Variants in DOCK4 observed in about 807,000 individuals in gnomAD.
DOCK4 encodes the protein dedicator of cytokinesis protein 4.
In DOCK4, 97 loss-of-function variants were observed where a neutral mutation model predicts 268.1. The observed-to-expected ratio is 0.36, with a 90% CI of 0.31 to 0.43. The LOEUF (loss-of-function observed/expected upper bound fraction) is 0.43. Among genes scored for constraint, DOCK4 ranks in the 20% least tolerant of loss-of-function variants. The probability of loss-of-function intolerance (pLI) is 1.00; values close to 1 mark genes in which losing one functional copy is unlikely to be tolerated. For synonymous variants in DOCK4, 954 were observed against 887.2 expected (o/e 1.08, Z -1.34); for missense variants, 2,145 against 2,455.7 (o/e 0.87, Z 2.67).
At chr7:112,187,933 C>T (rs1347782259) in intron 1 of DOCK4, among the ~76,000 whole-genome samples, 1 of 152,084 alleles carries the variant, frequency 6.6e-6, no homozygotes, top group Non-Finnish European at 1.5e-5. Context: ...ACCCCTTTAA[C>T]CAATGTTTTC....
intron 15 of DOCK4, among the ~76,000 whole-genome samples, chr7:111,896,199 C>T (rs905136335): frequency 6.6e-6 from 1 of 152,162 alleles, no homozygotes; most frequent in East Asian, 1.9e-4. Flanking sequence ...ACTTCTTTCC[C>T]TATATCCACA....
chr7:111,840,920 T>C (rs752739098), intron 25 of DOCK4: 4 of 1,127,064 alleles, frequency 3.5e-6, no homozygotes, highest in Non-Finnish European at 3.6e-6. Context: ...CTCCAGAGAA[T>C]GGATTTTGTG....
intron 1 of DOCK4, among the ~76,000 whole-genome samples, chr7:112,153,504 AATT>A (rs1816299299): frequency 6.6e-6 from 1 of 152,156 alleles, no homozygotes; most frequent in South Asian, 2.1e-4. Flanking sequence ...CAAATATAAT[AATT>A]ATCTGAAATT....
At chr7:112,080,597 T>C (rs1808492780) in intron 1 of DOCK4, among the ~76,000 whole-genome samples, 1 of 152,214 alleles carries the variant, frequency 6.6e-6, no homozygotes, top group Non-Finnish European at 1.5e-5. Context: ...GAGGTTATGG[T>C]TGGCTACGCA....
intron 47 of DOCK4, chr7:111,740,249 G>A (rs1035165454): frequency 1.7e-4 from 48 of 285,910 alleles, no homozygotes; most frequent in Non-Finnish European, 2.3e-4. Flanking sequence ...ACAGGCATGC[G>A]CCACCATGCC....
At chr7:112,110,636 C>G (rs184899875) in intron 1 of DOCK4, among the ~76,000 whole-genome samples, 1 of 152,296 alleles carries the variant, frequency 6.6e-6, no homozygotes, top group Non-Finnish European at 1.5e-5. Flanking sequence ...ATCTCTGAGC[C>G]AAAGAGGTGG....
At chr7:112,107,879 T>G (rs1418946379) in intron 1 of DOCK4, among the ~76,000 whole-genome samples, 1 of 152,186 alleles carries the variant, frequency 6.6e-6, no homozygotes, top group African/African-American at 2.4e-5. Flanking sequence ...AGACAGGGCC[T>G]AGTAAAGCCA....
In DOCK4 at chr7:112,077,672, T is replaced by C. The variant is rs1310683363; in HGVS notation, c.38-73541A>G. ...CACCTATGATTTATTAATATGTGCGTGTGTGTGTTTTTTAACATGCCAGTT... is the reference window on the plus strand; with the variant it reads ...CACCTATGATTTATTAATATGTGCGCGTGTGTGTTTTTTAACATGCCAGTT... On this transcript the variant is annotated intron_variant, in intron 1 of 52. Transcript: ENST00000428084. Among the ~76,000 whole-genome samples the C allele has an allele frequency of 2.6e-5, 4 of 152,212 alleles. No individual in the cohort carries two copies. The East Asian group carries it at 7.7e-4, about 29-fold the overall frequency.
intron 8 of DOCK4, among the ~76,000 whole-genome samples, chr7:111,950,513 T>C (rs541187309): frequency 2.0e-5 from 3 of 152,240 alleles, no homozygotes; most frequent in Admixed American, 2.0e-4. Context: ...TACAGGCCCA[T>C]GAGTATTAAC....
intron 44 of DOCK4, among the ~76,000 whole-genome samples, chr7:111,744,264 G>A (rs1796119537): frequency 6.6e-6 from 1 of 152,186 alleles, no homozygotes; most frequent in African/African-American, 2.4e-5. Context: ...CACATTTCCT[G>A]CAGCTGAGGC....
At chr7:111,735,199 G>T (rs759412878) in intron 50 of DOCK4, 32 bp from the exon 51 acceptor site, 26 of 1,432,024 alleles carry the variant, frequency 1.8e-5, no homozygotes, top group Non-Finnish European at 2.2e-5. Flanking sequence ...AAAAACACAC[G>T]GTCCAGCTTT....
At chr7:112,195,677 G>A (rs574714156) in intron 1 of DOCK4, among the ~76,000 whole-genome samples, 23 of 151,252 alleles carry the variant, frequency 1.5e-4, no homozygotes, top group South Asian at 6.3e-4. Context: ...TGCCAACAAC[G>A]GATGAGATTA....
chr7:111,977,753 A>T (rs1457854493), intron 7 of DOCK4, among the ~76,000 whole-genome samples: 2 of 152,210 alleles, frequency 1.3e-5, no homozygotes, highest in East Asian at 3.8e-4. Flanking sequence ...CTCATTACTC[A>T]TAATTAAAAG....
chr7:111,792,083 AGGTGAGTTTTAAGTCTATTATGCT>A (rs1799588620), intron 30 of DOCK4, among the ~76,000 whole-genome samples: 1 of 152,240 alleles, frequency 6.6e-6, no homozygotes, highest in Non-Finnish European at 1.5e-5. Context: ...TTCATGTAGC[AGGTGAGTTTTAAGTCTATTATGCT>A]GGTGAGTGTT....
At chr7:112,036,391 G>A (rs1476215138) in intron 1 of DOCK4, among the ~76,000 whole-genome samples, 1 of 152,102 alleles carries the variant, frequency 6.6e-6, no homozygotes, top group Non-Finnish European at 1.5e-5. Context: ...GCAGATCAGA[G>A]AATGAATGTT....
At chr7:111,873,308 G>C (rs1032584547) in intron 17 of DOCK4, among the ~76,000 whole-genome samples, 7 of 152,160 alleles carry the variant, frequency 4.6e-5, no homozygotes, top group African/African-American at 1.7e-4. Flanking sequence ...TATCTTTCTT[G>C]GGCAGAAGTT....
intron 8 of DOCK4, among the ~76,000 whole-genome samples, chr7:111,964,003 G>C (rs1259531750): frequency 1.5e-4 from 16 of 107,752 alleles, no homozygotes; most frequent in East Asian, 3.5e-4. Context: ...GGTCCTGTCT[G>C]TTAGAAGGAA....
intron 13 of DOCK4, among the ~76,000 whole-genome samples, chr7:111,910,744 A>T (rs908101759): frequency 1.3e-5 from 2 of 152,168 alleles, no homozygotes; most frequent in Non-Finnish European, 2.9e-5. Context: ...AACGCCTTCA[A>T]TCAGTTATTT....
rs964498566 is a variant in DOCK4, at chr7:112,197,479, C to A, written c.37+8623G>T. 6.6e-5 allele frequency among the ~76,000 whole-genome samples: 10 copies of A among 152,296 alleles called. No homozygotes were observed. The East Asian group carries it at 9.6e-4, about 15-fold the overall frequency. Reference sequence around the variant, plus strand: ...GGGAAATCTCACAAACGTGCACAATCTGGCATGAAATATTTGTTTGGGAGA... The same window carrying A: ...GGGAAATCTCACAAACGTGCACAATATGGCATGAAATATTTGTTTGGGAGA... On this transcript the variant is annotated intron_variant, in intron 1 of 52. Transcript: ENST00000428084.
Sources: gnomAD v4.1 joint callset for allele counts (sites outside exome capture counted in the v4.1 genomes callset) on GRCh38, gnomAD v4.1.1 for gene constraint, MANE v1.5 for transcripts, NCBI Gene and HGNC (gene_info 2026-07-23, HGNC 2026-07-21) for gene names.